BLK: variants seen among roughly 807,000 people sequenced by gnomAD.
BLK encodes tyrosine-protein kinase Blk.
Under a neutral mutation model 61.8 loss-of-function variants are expected in BLK, and 64 were observed. That is an observed-to-expected ratio of 1.03 (90% confidence interval 0.85 to 1.27). The LOEUF is 1.27. BLK is among the 50% of genes most tolerant of loss of function. The pLI is 0.00. For synonymous variants in BLK, 351 were observed against 272.0 expected (o/e 1.29, Z -2.86); for missense variants, 853 against 660.5 (o/e 1.29, Z -3.19).
chr8:11,534,089 G>A (rs1800012678), intron 1 of BLK, among the ~76,000 whole-genome samples: 1 of 152,242 alleles, frequency 6.6e-6, no homozygotes, highest in East Asian at 1.9e-4. Flanking sequence ...GCAGATACCA[G>A]CACTGCTGGG....
At chr8:11,503,646 T>C (rs1798650287) in intron 1 of BLK, among the ~76,000 whole-genome samples, 5 of 152,178 alleles carry the variant, frequency 3.3e-5, no homozygotes, top group Admixed American at 3.3e-4. Flanking sequence ...GCAAGGGTGC[T>C]CTTTCTTGGC....
chr8:11,530,990 T>C (rs12548884), intron 1 of BLK, among the ~76,000 whole-genome samples: 104,739 of 152,122 alleles, frequency 0.69, 36,555 homozygotes, highest in East Asian at 1. Flanking sequence ...AGTTTCTCCA[T>C]ATGCTTGCCA....
intron 3 of BLK, among the ~76,000 whole-genome samples, chr8:11,546,606 G>A (rs575967246): frequency 7.2e-5 from 11 of 152,074 alleles, no homozygotes; most frequent in South Asian, 2.1e-4. Context: ...ACAGAGTCTC[G>A]CTCTTGTCAC....
intron 6 of BLK, among the ~76,000 whole-genome samples, chr8:11,551,594 T>C (rs1451486099): frequency 6.6e-6 from 1 of 152,198 alleles, no homozygotes; most frequent in Non-Finnish European, 1.5e-5. Flanking sequence ...TGGTTGAGGA[T>C]GGTGAGCCTG....
At chr8:11,507,121 T>C (rs1479823767) in intron 1 of BLK, among the ~76,000 whole-genome samples, 1 of 152,220 alleles carries the variant, frequency 6.6e-6, no homozygotes, top group Non-Finnish European at 1.5e-5. Flanking sequence ...ATTGATGTTT[T>C]TTCCAACATG....
intron 1 of BLK, among the ~76,000 whole-genome samples, chr8:11,540,998 G>T (rs1194544340): frequency 6.6e-6 from 1 of 152,212 alleles, no homozygotes; most frequent in African/African-American, 2.4e-5. Context: ...GAGTGTGATG[G>T]CTGACACCTG....
chr8:11,537,671 C>T lies in BLK; in HGVS notation c.-1-5553C>T, dbSNP rs576378291. Among the ~76,000 whole-genome samples, 9 of 152,294 alleles carry T rather than the reference C, an allele frequency of 5.9e-5. No homozygotes were observed. In the East Asian group the frequency reaches 1.7e-3, roughly 29 times the overall value. On this transcript the variant is annotated intron_variant, in intron 1 of 12. Coordinates refer to ENST00000259089, the MANE Select transcript of BLK (RefSeq NM_001715.3). ...GCATGACCTTACCAAGCCACCTCGC[C>T]TCGCCTTCTTCAGTGGTAAAATGAG...
intron 9 of BLK, among the ~76,000 whole-genome samples, chr8:11,557,059 C>T (rs1801273099): frequency 6.6e-6 from 1 of 152,100 alleles, no homozygotes; most frequent in African/African-American, 2.4e-5. Context: ...GTTCTCAGCC[C>T]AGGAGCAGTT....
chr8:11,509,067 C>T (rs1357488618), intron 1 of BLK: 1 of 152,218 alleles, frequency 6.6e-6, no homozygotes, highest in African/African-American at 2.4e-5. Flanking sequence ...GGAGGCATCA[C>T]AACAATGACT....
At chr8:11,563,142 C>T (rs1359578631) in intron 12 of BLK, 32 bp downstream of exon 12, 1 of 1,613,196 alleles carries the variant, frequency 6.2e-7, no homozygotes, top group African/African-American at 1.3e-5. Context: ...TCGCGGCTCC[C>T]TGCTTTCCCG....
At chr8:11,541,386 A>G (rs568135827) in intron 1 of BLK, among the ~76,000 whole-genome samples, 49 of 152,324 alleles carry the variant, frequency 3.2e-4, no homozygotes, top group Non-Finnish European at 6.3e-4. Flanking sequence ...ATTTACCAAC[A>G]TAATTTATTA....
intron 6 of BLK, among the ~76,000 whole-genome samples, chr8:11,551,997 C>T (rs182508884): frequency 2.0e-5 from 3 of 152,280 alleles, no homozygotes; most frequent in Middle Eastern, 3.4e-3. Context: ...CCACAGGGAC[C>T]AGGTACAGCC....
chr8:11,497,014 AAC>A (rs1798385246), intron 1 of BLK, among the ~76,000 whole-genome samples: 1 of 152,190 alleles, frequency 6.6e-6, no homozygotes, highest in Non-Finnish European at 1.5e-5. Context: ...ATAGAGAGGT[AAC>A]AGCAAGACAG....
intron 1 of BLK, among the ~76,000 whole-genome samples, chr8:11,513,881 C>G (rs1397803250): frequency 3.9e-5 from 6 of 152,184 alleles, no homozygotes; most frequent in African/African-American, 1.4e-4. Flanking sequence ...AGCAGCTGGG[C>G]CCGACCCAGG....
At chr8:11,510,540 G>T (rs1249042944) in intron 1 of BLK, among the ~76,000 whole-genome samples, 1 of 152,126 alleles carries the variant, frequency 6.6e-6, no homozygotes, top group African/African-American at 2.4e-5. Flanking sequence ...ATTTTATAGG[G>T]ATAGTGTCTG....
intron 1 of BLK, among the ~76,000 whole-genome samples, chr8:11,531,365 G>T (rs1380793465): frequency 6.6e-6 from 1 of 151,800 alleles, no homozygotes. Context: ...TATTCTAAGG[G>T]AATAATCTAT....
intron 1 of BLK, among the ~76,000 whole-genome samples, chr8:11,521,910 C>A (rs1799467605): frequency 6.6e-6 from 1 of 152,038 alleles, no homozygotes; most frequent in South Asian, 2.1e-4. Context: ...ATTTTTGAGC[C>A]TTTTCTTATG....
Position 11,552,995 on chromosome 8 carries a change from T to C in BLK, c.473-1748T>C, listed in dbSNP as rs187398067. On this transcript the variant is annotated intron_variant, in intron 6 of 12. Transcript: ENST00000259089. ...GTGCACACATACACATGCAAACACA[T>C]ACACATGTCCACGCATGCACATATA... 317 of 156,844 alleles carry C rather than the reference T, an allele frequency of 2.0e-3. 2 individuals carry two copies. The highest frequency in any genetic ancestry group is 7.4e-3 in the African/African-American group (308 of 41,582). 9.7% of individuals were successfully genotyped at this position (156,844 alleles called of 1,614,324 possible).
chr8:11,559,114 A>G (rs1801362138), intron 10 of BLK: 1 of 408,228 alleles, frequency 2.4e-6, no homozygotes, highest in Non-Finnish European at 5.0e-6. Context: ...AATCCCCACT[A>G]CACCCCCTTG....
Sources: gnomAD v4.1 joint callset for allele counts (sites outside exome capture counted in the v4.1 genomes callset) on GRCh38, gnomAD v4.1.1 for gene constraint, MANE v1.5 for transcripts, NCBI Gene and HGNC (gene_info 2026-07-23, HGNC 2026-07-21) for gene names.